The following BCAS3 variants were observed in gnomAD, a reference collection of about 807,000 sequenced individuals.
BCAS3 encodes BCAS4/BCAS3 fusion.
Under a neutral mutation model 116.1 loss-of-function variants are expected in BCAS3, and 53 were observed. That is an observed-to-expected ratio of 0.46 (90% CI 0.37 to 0.57). The LOEUF is 0.57. Ranked by LOEUF, BCAS3 falls within the 20% of genes least tolerant of loss-of-function variation. The pLI is 0.00. For missense variants in BCAS3, 917 were observed against 1,165.4 expected, an observed-to-expected ratio of 0.79 and a Z score of 3.10; for synonymous variants, 391 against 408.2, an observed-to-expected ratio of 0.96 and a Z score of 0.51.
At chr17:61,014,086 A>C (rs931961810) in intron 15 of BCAS3, among the ~76,000 whole-genome samples, 1 of 152,130 alleles carries the variant, frequency 6.6e-6, no homozygotes, top group Admixed American at 6.5e-5. Flanking sequence ...TAGTAAAAAA[A>C]ATTTATATGT....
intron 22 of BCAS3, among the ~76,000 whole-genome samples, chr17:61,216,387 T>C (rs2081786716): frequency 6.6e-6 from 1 of 152,172 alleles, no homozygotes; most frequent in Non-Finnish European, 1.5e-5. Context: ...CTTTCAGCAG[T>C]TGGCTCTAGC....
chr17:60,781,780 T>C (rs965919784), intron 6 of BCAS3, among the ~76,000 whole-genome samples: 7 of 152,198 alleles, frequency 4.6e-5, no homozygotes, highest in Admixed American at 3.3e-4. Flanking sequence ...CTATTTTTCA[T>C]AATTCCATTT....
At chr17:61,264,556 T>G (rs2049510602) in intron 22 of BCAS3, among the ~76,000 whole-genome samples, 1 of 151,962 alleles carries the variant, frequency 6.6e-6, no homozygotes, top group Non-Finnish European at 1.5e-5. Flanking sequence ...TACAGGGATG[T>G]GCCACCGCGT....
intron 7 of BCAS3, among the ~76,000 whole-genome samples, chr17:60,832,876 A>G (rs1474879031): frequency 6.6e-6 from 1 of 152,190 alleles, no homozygotes; most frequent in Non-Finnish European, 1.5e-5. Flanking sequence ...AGTTAATATC[A>G]TTCCACTTAT....
intron 10 of BCAS3, among the ~76,000 whole-genome samples, chr17:60,897,416 G>C (rs2057585201): frequency 6.6e-6 from 1 of 152,082 alleles, no homozygotes; most frequent in Admixed American, 6.5e-5. Flanking sequence ...TATCTGCCTG[G>C]GGATTGCTAA....
intron 6 of BCAS3, among the ~76,000 whole-genome samples, chr17:60,767,168 C>T (rs2044191485): frequency 6.6e-6 from 1 of 152,126 alleles, no homozygotes; most frequent in Admixed American, 6.5e-5. Flanking sequence ...GGCAATGCCC[C>T]ACCCTGCTTC....
Position 61,037,924 on chromosome 17 carries a change from A to G in BCAS3, c.1798A>G (p.Ile600Val), listed in dbSNP as rs199756871. The G allele has an allele frequency of 8.2e-5, 132 of 1,613,970 alleles. No homozygotes were observed. Among genetic ancestry groups the G allele is most frequent in the Non-Finnish European group, 1.1e-4 (129 of 1,180,000 alleles). Residue 600 changes from isoleucine to valine, a missense_variant, in exon 18 of 24, where the codon ATT (isoleucine) becomes GTT (valine). Coordinates refer to ENST00000407086, the MANE Select transcript of BCAS3 (RefSeq NM_017679.5). The surrounding 1 kb of genome is among the most constrained non-coding windows in gnomAD (Gnocchi z 4.7). ...SKQVVVESLY[I>V]ISCYGTLVEH... ...ACAAGTTGTAGTTGAGTCCCTGTAC[A>G]TTATCAGTTGCTATGGCACCTTAGT...
At chr17:61,372,269 A>G (rs1046987596) in intron 23 of BCAS3, among the ~76,000 whole-genome samples, 3 of 152,144 alleles carry the variant, frequency 2.0e-5, no homozygotes, top group Admixed American at 6.5e-5. Flanking sequence ...TGTCTGCAAT[A>G]GAGACGCAGA....
chr17:61,110,617 T>C (rs1167088469), intron 22 of BCAS3, among the ~76,000 whole-genome samples: 22 of 151,970 alleles, frequency 1.4e-4, no homozygotes, highest in South Asian at 6.2e-4. Context: ...CGCTGATTGC[T>C]AGCACAGCAG....
At chr17:61,329,423 C>T (rs964209936) in intron 22 of BCAS3, among the ~76,000 whole-genome samples, 1 of 150,814 alleles carries the variant, frequency 6.6e-6, no homozygotes, top group Non-Finnish European at 1.5e-5. Context: ...TCACTGCAAG[C>T]TCCGCCTCCC....
chr17:60,974,991 G>GT (rs72383171), intron 14 of BCAS3, among the ~76,000 whole-genome samples: 13,988 of 141,686 alleles, frequency 0.099, 2,342 homozygotes, highest in African/African-American at 0.38. Context: ...TGTTTTTTTT[G>GT]CTTTTTTGTT....
rs1037986604 is a variant in BCAS3 at position 61,048,348 on chromosome 17, A to G, written c.2029+7456A>G. Among the ~76,000 whole-genome samples, 4 of 152,002 alleles carry G rather than the reference A, an allele frequency of 2.6e-5. No homozygotes were observed. In the East Asian group the frequency reaches 7.7e-4, roughly 29 times the overall value. ...ATCTGACATTAGGGAATGAAGGACA[A>G]TGATCCCTGAGAGATGGGAAACAAA... On this transcript the variant is annotated intron_variant, in intron 19 of 23. Coordinates refer to ENST00000407086, the MANE Select transcript of BCAS3 (RefSeq NM_017679.5).
intron 17 of BCAS3, among the ~76,000 whole-genome samples, chr17:61,036,639 A>G (rs1323601196): frequency 6.6e-6 from 1 of 152,288 alleles, no homozygotes; most frequent in African/African-American, 2.4e-5. Context: ...TTCGCCTGAC[A>G]CAGAGATAAG....
At chr17:61,230,403 T>G (rs989965921) in intron 22 of BCAS3, among the ~76,000 whole-genome samples, 9 of 152,118 alleles carry the variant, frequency 5.9e-5, no homozygotes, top group Non-Finnish European at 1.2e-4. Flanking sequence ...CATCTTGCAC[T>G]CAGGTAGTGA....
At chr17:61,253,506 C>T (rs182107318) in intron 22 of BCAS3, among the ~76,000 whole-genome samples, 2 of 152,134 alleles carry the variant, frequency 1.3e-5, no homozygotes, top group East Asian at 3.9e-4. Flanking sequence ...ATTATACTAT[C>T]ATCTGTCTTA....
At chr17:60,816,897 G>T (rs1330952466) in intron 7 of BCAS3, among the ~76,000 whole-genome samples, 1 of 152,156 alleles carries the variant, frequency 6.6e-6, no homozygotes, top group African/African-American at 2.4e-5. Flanking sequence ...CTGATCTTAG[G>T]GTTATAGCAG....
chr17:61,108,290 G>A lies in BCAS3; in HGVS notation c.2425+23726G>A, dbSNP rs541769321. On this transcript the variant is annotated intron_variant, in intron 22 of 23. Coordinates refer to ENST00000407086, the MANE Select transcript of BCAS3 (RefSeq NM_017679.5). ...ATCTTTTTCTAACATTTTAGTTTCA[G>A]TGTGTCTGTATCATTATATTTGATA... Among the ~76,000 whole-genome samples, 5 of 152,062 alleles carry A rather than the reference G, an allele frequency of 3.3e-5. 1 individual carries two copies. In the South Asian group the frequency reaches 8.3e-4, roughly 25 times the overall value.
At chr17:61,005,602 C>T (rs1052548448) in intron 15 of BCAS3, among the ~76,000 whole-genome samples, 1 of 151,808 alleles carries the variant, frequency 6.6e-6, no homozygotes, top group Non-Finnish European at 1.5e-5. Context: ...TGAAATAGAG[C>T]CAGAAAATAT....
intron 22 of BCAS3, chr17:61,157,418 T>TA (rs1249196928): frequency 1.9e-4 from 29 of 152,068 alleles, no homozygotes; most frequent in African/African-American, 7.0e-4. Flanking sequence ...ACAGCAGGAG[T>TA]GCTATCTGTG....
Sources: gnomAD v4.1 joint callset for allele counts (sites outside exome capture counted in the v4.1 genomes callset) on GRCh38, gnomAD v4.1.1 for gene constraint, Gnocchi (gnomAD v3.1) non-coding constraint, MANE v1.5 for transcripts, NCBI Gene and HGNC (gene_info 2026-07-23, HGNC 2026-07-21) for gene names.